CNTLN: variants seen among roughly 807,000 people sequenced by gnomAD.
The protein encoded by CNTLN is centlein, centrosomal protein.
A neutral mutation model predicts 180.0 loss-of-function variants in CNTLN; 212 were observed. The ratio of observed to expected loss-of-function variants is 1.18; its 90% confidence interval spans 1.05 to 1.32. The LOEUF (loss-of-function observed/expected upper bound fraction) is 1.32, where lower values mean the gene tolerates loss of function less well. Ranked by LOEUF, CNTLN falls within the 40% of genes most tolerant of loss-of-function variation. The pLI, the probability that CNTLN is intolerant of heterozygous loss-of-function variation, is 0.00. For synonymous variants in CNTLN, 722 were observed against 563.1 expected (o/e 1.28, Z -3.99); for missense variants, 2,095 against 1,610.9 (o/e 1.30, Z -5.14).
At chr9:17,244,880 A>C (rs1384472331) in intron 5 of CNTLN, among the ~76,000 whole-genome samples, 1 of 152,216 alleles carries the variant, frequency 6.6e-6, no homozygotes, top group East Asian at 1.9e-4. Context: ...AACTGATTAC[A>C]TCTTAACACT....
At chr9:17,368,823 G>A (rs1394724350) in intron 13 of CNTLN, among the ~76,000 whole-genome samples, 1 of 152,216 alleles carries the variant, frequency 6.6e-6, no homozygotes, top group Non-Finnish European at 1.5e-5. Flanking sequence ...ATATGGACTA[G>A]ATCACAACAC....
intron 6 of CNTLN, among the ~76,000 whole-genome samples, chr9:17,287,315 A>T (rs974480499): frequency 6.8e-6 from 1 of 147,596 alleles, no homozygotes; most frequent in African/African-American, 2.5e-5. Flanking sequence ...ACATTTATTG[A>T]TTTGCGTATA....
At chr9:17,145,533 C>T (rs956343510) in intron 2 of CNTLN, among the ~76,000 whole-genome samples, 12 of 152,074 alleles carry the variant, frequency 7.9e-5, no homozygotes, top group Admixed American at 3.9e-4. Context: ...ATTTTTAAAC[C>T]GTGGACTTCC....
At chr9:17,343,954 A>G (rs540702098) in intron 12 of CNTLN, among the ~76,000 whole-genome samples, 15 of 152,170 alleles carry the variant, frequency 9.9e-5, no homozygotes, top group South Asian at 2.1e-4. Context: ...GTCCTAGACT[A>G]TCTTCTTTCA....
intron 13 of CNTLN, among the ~76,000 whole-genome samples, chr9:17,372,424 A>G (rs562129569): frequency 1.3e-5 from 2 of 152,266 alleles, no homozygotes; most frequent in South Asian, 2.1e-4. Flanking sequence ...TTATTGAACC[A>G]TGAAGAAATC....
chr9:17,195,692 G>A (rs1375771437), intron 2 of CNTLN, among the ~76,000 whole-genome samples: 1 of 152,144 alleles, frequency 6.6e-6, no homozygotes, highest in Non-Finnish European at 1.5e-5. Flanking sequence ...AAAAAAGATA[G>A]CCCTTTTTGT....
chr9:17,430,406 C>G (rs2133977041), intron 18 of CNTLN, among the ~76,000 whole-genome samples: 1 of 151,868 alleles, frequency 6.6e-6, no homozygotes, highest in African/African-American at 2.4e-5. Flanking sequence ...CCTTATTTAC[C>G]CATTTTAAAA....
the CNTLN span, among the ~76,000 whole-genome samples, chr9:17,514,893 TG>T: frequency 6.6e-6 from 1 of 152,212 alleles, no homozygotes; most frequent in Non-Finnish European, 1.5e-5. Flanking sequence ...CATGTTCTTT[TG>T]TAGGAACTAA....
At chr9:17,312,373 T>TA (rs1819241941) in intron 8 of CNTLN, among the ~76,000 whole-genome samples, 1 of 131,268 alleles carries the variant, frequency 7.6e-6, no homozygotes, top group African/African-American at 3.0e-5. Context: ...ATTATATATA[T>TA]ATATATATAT....
intron 12 of CNTLN, 52 bp from the exon 13 acceptor site, chr9:17,366,565 T>G: frequency 1.1e-6 from 1 of 872,826 alleles, no homozygotes; most frequent in South Asian, 1.6e-5. Flanking sequence ...ATGTTTGATT[T>G]TTTTAAATAA....
chr9:17,288,492 G>C (rs937769487), intron 6 of CNTLN, among the ~76,000 whole-genome samples: 5 of 142,922 alleles, frequency 3.5e-5, no homozygotes, highest in African/African-American at 5.6e-5. Flanking sequence ...CTGTTGATTT[G>C]GGGTGGAGAG....
At chr9:17,279,174 A>G (rs1407524909) in intron 6 of CNTLN, among the ~76,000 whole-genome samples, 1 of 152,066 alleles carries the variant, frequency 6.6e-6, no homozygotes, top group East Asian at 1.9e-4. Flanking sequence ...CATAAATTCA[A>G]CCATTTTGAC....
intron 25 of CNTLN, among the ~76,000 whole-genome samples, chr9:17,491,538 G>A (rs564567625): frequency 2.0e-5 from 3 of 152,182 alleles, no homozygotes; most frequent in Non-Finnish European, 4.4e-5. Context: ...GCTAGAAAAT[G>A]TGTTCTTGAT....
intron 18 of CNTLN, among the ~76,000 whole-genome samples, chr9:17,440,661 C>G (rs947508007): frequency 4.0e-5 from 6 of 151,594 alleles, no homozygotes; most frequent in Non-Finnish European, 7.4e-5. Context: ...AAGCATTATT[C>G]ATAGTAGCCC....
At chr9:17,156,130 C>T (rs1456071580) in intron 2 of CNTLN, among the ~76,000 whole-genome samples, 1 of 152,128 alleles carries the variant, frequency 6.6e-6, no homozygotes, top group Non-Finnish European at 1.5e-5. Context: ...CACTCACCTT[C>T]TCTGTTGATC....
chr9:17,284,271 C>T lies in CNTLN; in HGVS notation c.983+10405C>T, dbSNP rs549020884. 2.6e-5 allele frequency among the ~76,000 whole-genome samples: 4 copies of T among 152,096 alleles called. No individual in the cohort carries two copies. The East Asian group carries it at 7.7e-4, about 29-fold the overall frequency. ...GGGTTTGGTATCAGGATGATACTGACCTCATAAAATGAATTAGGGAGCAGA... is the reference window on the plus strand; with the variant it reads ...GGGTTTGGTATCAGGATGATACTGATCTCATAAAATGAATTAGGGAGCAGA... On this transcript the variant is annotated intron_variant, in intron 6 of 25. Coordinates refer to ENST00000380647, the MANE Select transcript of CNTLN (RefSeq NM_017738.4).
chr9:17,178,935 C>CT (rs1390257411), intron 2 of CNTLN, among the ~76,000 whole-genome samples: 5 of 152,162 alleles, frequency 3.3e-5, no homozygotes, highest in African/African-American at 1.2e-4. Flanking sequence ...TGCCAGCACG[C>CT]TGTCACCTCT....
At chr9:17,355,890 CCG>C (rs1822797645) in intron 12 of CNTLN, among the ~76,000 whole-genome samples, 1 of 101,100 alleles carries the variant, frequency 9.9e-6, no homozygotes, top group Admixed American at 1.0e-4. Context: ...TAGTGAAAGC[CCG>C]TCTCTACTAA....
At chr9:17,446,119 C>T (rs1387643063) in intron 18 of CNTLN, among the ~76,000 whole-genome samples, 6 of 152,196 alleles carry the variant, frequency 3.9e-5, no homozygotes. Context: ...GACCCTGACA[C>T]ATCCCCCTCT....
Sources: allele counts gnomAD v4.1 joint callset (sites outside exome capture counted in the v4.1 genomes callset), GRCh38; gene constraint gnomAD v4.1.1; transcripts MANE v1.5; gene names NCBI Gene and HGNC (gene_info 2026-07-23, HGNC 2026-07-21).